The following CACNG1 variants were observed in gnomAD, a reference collection of about 807,000 sequenced individuals.
The protein encoded by CACNG1 is voltage-dependent calcium channel gamma-1 subunit.
Under a neutral mutation model 22.0 loss-of-function variants are expected in CACNG1, and 21 were observed. The ratio of observed to expected loss-of-function variants is 0.95; its 90% CI spans 0.68 to 1.37. The LOEUF is 1.37. CACNG1 is among the 40% of genes most tolerant of loss of function. The pLI is 0.00. For synonymous variants in CACNG1, 127 were observed against 129.2 expected (o/e 0.98, Z 0.12); for missense variants, 291 against 308.6 (o/e 0.94, Z 0.43).
Position 67,055,090 on chromosome 17 carries a change from C to T in CACNG1, c.305-13C>T, listed in dbSNP as rs773605479. On this transcript the variant is annotated splice_polypyrimidine_tract_variant and intron_variant, in intron 2 of 3. Transcript: ENST00000226021. This position sits in a 1 kb window ranked among gnomAD's most constrained non-coding sequence, Gnocchi z 4.5. ...TGCTGAGGCCGCATGCTGGGTGTCC[C>T]TTGTGTTTGCAGAGTACAGCATCTC... 2 of 1,611,072 alleles carry T rather than the reference C, an allele frequency of 1.2e-6. No individual in the cohort carries two copies. Among genetic ancestry groups the T allele is most frequent in the Non-Finnish European group, 1.7e-6 (2 of 1,177,876 alleles).
At chr17:67,051,559 C>T (rs556905690) in intron 1 of CACNG1, among the ~76,000 whole-genome samples, 1 of 152,300 alleles carries the variant, frequency 6.6e-6, no homozygotes, top group South Asian at 2.1e-4. Flanking sequence ...GAAGCTGAGG[C>T]TTCCTGTTAC....
chr17:67,044,933 C>G lies in CACNG1; in HGVS notation c.229+44C>G. On this transcript the variant is annotated intron_variant, in intron 1 of 3. Transcript: ENST00000226021. The surrounding 1 kb of genome is among the most constrained non-coding windows in gnomAD (Gnocchi z 6.9). ...GTCCCGATCCCCACCTCCTGCTCTT[C>G]CCCGTCATCCCCCTGGCAAAGTTGC... 3 of 1,486,226 alleles carry G rather than the reference C, an allele frequency of 2.0e-6. No homozygotes were observed. Among genetic ancestry groups the G allele is most frequent in the Non-Finnish European group, 2.8e-6 (3 of 1,081,592 alleles). 92.1% of individuals were successfully genotyped at this position (1,486,226 alleles called of 1,614,324 possible).
intron 1 of CACNG1, among the ~76,000 whole-genome samples, chr17:67,047,213 G>T (rs1764839001): frequency 6.6e-6 from 1 of 151,612 alleles, no homozygotes; most frequent in African/African-American, 2.4e-5. Flanking sequence ...AAAGACATCA[G>T]GAAAAAAAAT....
chr17:67,051,342 C>G (rs2035726989), intron 1 of CACNG1, among the ~76,000 whole-genome samples: 1 of 152,132 alleles, frequency 6.6e-6, no homozygotes, highest in Non-Finnish European at 1.5e-5. Flanking sequence ...TAAATGAGGC[C>G]TGGGTCTGAC....
Position 67,054,003 on chromosome 17 carries a change from C to G in CACNG1, c.237C>G (p.Asn79Lys). The G allele has an allele frequency of 6.2e-7, 1 of 1,613,882 alleles. No homozygotes were observed. Among genetic ancestry groups the G allele is most frequent in the South Asian group, 1.1e-5 (1 of 91,076 alleles). Reference protein sequence around the residue: ...CGPITLPGEKNCSYFRHFNPG... With the variant: ...CGPITLPGEKKCSYFRHFNPG... Reference sequence around the variant, plus strand: ...CTGTCTCCTCCTTTGCAGAGAAGAACTGTTCCTACTTCAGGCATTTTAACC... The same window carrying G: ...CTGTCTCCTCCTTTGCAGAGAAGAAGTGTTCCTACTTCAGGCATTTTAACC... The change falls in exon 2 of 4, where the codon AAC becomes AAG. Residue 79 changes from asparagine (N) to lysine (K), a missense_variant. By Grantham distance (94) the Asn-to-Lys change is moderately conservative. Transcript: ENST00000226021. This position sits in a 1 kb window ranked among gnomAD's most constrained non-coding sequence, Gnocchi z 4.6.
chr17:67,049,233 T>C (rs1299809291), intron 1 of CACNG1, among the ~76,000 whole-genome samples: 1 of 152,132 alleles, frequency 6.6e-6, no homozygotes, highest in Admixed American at 6.5e-5. Context: ...TCCCCAAATC[T>C]ATGGAGGCCA....
Position 67,054,696 on chromosome 17 carries a change from G to A in CACNG1, c.305-407G>A, listed in dbSNP as rs62072231. Among the ~76,000 whole-genome samples the A allele has an allele frequency of 0.52, 77,919 of 149,258 alleles. 21,775 individuals carry two copies. Among genetic ancestry groups the A allele is most frequent in the East Asian group, 0.86 (4,372 of 5,060 alleles). ...GACGCACAGAGACACTGACACACAC[G>A]CATGATGACACACAAAATGACACAC... is the stretch of plus-strand genomic sequence containing the variant. On this transcript the variant is annotated intron_variant, in intron 2 of 3. Transcript: ENST00000226021. The surrounding 1 kb of genome is among the most constrained non-coding windows in gnomAD (Gnocchi z 4.6).
Position 67,055,543 on chromosome 17 carries a change from T to C in CACNG1, c.442+303T>C, listed in dbSNP as rs1314546429. Among the ~76,000 whole-genome samples the C allele has an allele frequency of 6.6e-6, 1 of 152,160 alleles. No individual in the cohort carries two copies. Among genetic ancestry groups the C allele is most frequent in the East Asian group, 1.9e-4 (1 of 5,190 alleles). On this transcript the variant is annotated intron_variant, in intron 3 of 3. Transcript: ENST00000226021. The surrounding 1 kb of genome is among the most constrained non-coding windows in gnomAD (Gnocchi z 4.5). ...ACCTTTCTTTCTTTTTCTTGGGGGATGAGGAAGAGGGTCTCGCTCTGTCAT... is the reference window on the plus strand; with the variant it reads ...ACCTTTCTTTCTTTTTCTTGGGGGACGAGGAAGAGGGTCTCGCTCTGTCAT...
chr17:67,055,956 C>A lies in CACNG1; in HGVS notation c.443-89C>A, dbSNP rs1183221372. 1.3e-5 allele frequency: 14 copies of A among 1,072,050 alleles called. No homozygotes were observed. The highest frequency in any genetic ancestry group is 2.8e-6 in the Non-Finnish European group (2 of 721,822). The allele number at this position is 1,072,050 out of a possible 1,614,324, so 66.4% of individuals were successfully genotyped here. A position where few individuals can be genotyped will look rare whatever the true frequency, so the allele number is the denominator to read the frequency against. On this transcript the variant is annotated intron_variant, in intron 3 of 3. Coordinates refer to ENST00000226021, the MANE Select transcript of CACNG1 (RefSeq NM_000727.4). The surrounding 1 kb of genome is among the most constrained non-coding windows in gnomAD (Gnocchi z 4.5). ...CAGCTTTTCCCCCAAGGCAAGGTCACCGCCTCCTCCATGCACACAGGCTGG... is the reference window on the plus strand; with the variant it reads ...CAGCTTTTCCCCCAAGGCAAGGTCAACGCCTCCTCCATGCACACAGGCTGG...
At chr17:67,045,759 G>A (rs772990792) in intron 1 of CACNG1, among the ~76,000 whole-genome samples, 5 of 151,950 alleles carry the variant, frequency 3.3e-5, no homozygotes, top group Admixed American at 6.6e-5. Flanking sequence ...CTGACCTCAG[G>A]TGATCCACCT....
At chr17:67,051,479 A>T (rs141679622) in intron 1 of CACNG1, among the ~76,000 whole-genome samples, 1 of 152,202 alleles carries the variant, frequency 6.6e-6, no homozygotes, top group Non-Finnish European at 1.5e-5. Flanking sequence ...TCTTTTTCAC[A>T]TGCTAAGCCC....
Position 67,044,859 on chromosome 17 carries a change from A to G in CACNG1, c.199A>G (p.Lys67Glu), listed in dbSNP as rs534086247. The change falls in exon 1 of 4, where the codon AAG becomes GAG. Residue 67 changes from lysine (K) to glutamate (E), a missense_variant. Transcript: ENST00000226021. This position sits in a 1 kb window ranked among gnomAD's most constrained non-coding sequence, Gnocchi z 6.9. ...CTKRIPMDDS[K>E]TCGPITLPGE... is the part of the protein sequence containing the mutation. ...CAAGCGCATCCCCATGGACGACAGC[A>G]AGACCTGCGGGCCCATCACCCTGCC... is the stretch of plus-strand genomic sequence containing the variant. The G allele has an allele frequency of 6.2e-7, 1 of 1,613,278 alleles. No individual in the cohort carries two copies. Among genetic ancestry groups the G allele is most frequent in the Admixed American group, 1.7e-5 (1 of 60,014 alleles).
intron 1 of CACNG1, among the ~76,000 whole-genome samples, chr17:67,048,448 T>C (rs952417880): frequency 2.6e-5 from 4 of 152,052 alleles, no homozygotes; most frequent in African/African-American, 4.8e-5. Flanking sequence ...TGAACTATGA[T>C]CATGCCACTG....
In CACNG1 at chr17:67,055,210, C is replaced by T. The variant is rs766121837; in HGVS notation, c.412C>T (p.Arg138Ter). Residue 138 changes from arginine (R) to a stop codon, truncating the protein, a stop_gained, in exon 3 of 4, where the codon CGA (arginine) becomes TGA (stop). Transcript: ENST00000226021. LOFTEE classifies it high-confidence loss of function. This position sits in a 1 kb window ranked among gnomAD's most constrained non-coding sequence, Gnocchi z 4.5. Reference protein sequence around the residue: ...SLGKKRDYLLRPASMFYAFAG... With the variant: ...SLGKKRDYLL ...CGGGAAGAAGAGGGACTATCTGCTG[C>T]GACCCGCGTCCATGTTCTATGCCTT... The T allele has an allele frequency of 1.1e-5, 17 of 1,614,080 alleles. No individual in the cohort carries two copies. Among genetic ancestry groups the T allele is most frequent in the South Asian group, 5.5e-5 (5 of 91,074 alleles).
chr17:67,049,498 G>T (rs1272592237), intron 1 of CACNG1, among the ~76,000 whole-genome samples: 1 of 152,132 alleles, frequency 6.6e-6, no homozygotes, highest in Non-Finnish European at 1.5e-5. Context: ...TTCTACAGGT[G>T]GTTCTTATTC....
At chr17:67,053,899 C>G (rs1022665761) in intron 1 of CACNG1, 97 bp from the exon 2 acceptor site, 1 of 850,754 alleles carries the variant, frequency 1.2e-6, no homozygotes, top group African/African-American at 1.7e-5. Context: ...CCAGAGCCCC[C>G]TGCATGCCGA....
In CACNG1 at chr17:67,055,252, G is replaced by A. The variant is rs111459753; in HGVS notation, c.442+12G>A. 2.7e-5 allele frequency: 43 copies of A among 1,608,326 alleles called. No homozygotes were observed. The highest frequency in any genetic ancestry group is 2.1e-4 in the African/African-American group (16 of 74,954). The stretch of plus-strand genomic sequence containing the variant: ...CTATGCCTTTGCAGGTAGACTGGGG[G>A]ATCTGCCTGAGCGCCGGGGCCGGGG... On this transcript the variant is annotated intron_variant, in intron 3 of 3. Transcript: ENST00000226021. This position sits in a 1 kb window ranked among gnomAD's most constrained non-coding sequence, Gnocchi z 4.5.
chr17:67,056,494 G>T lies in CACNG1; in HGVS notation c.*223G>T, dbSNP rs1407143078. 2 of 575,402 alleles carry T rather than the reference G, an allele frequency of 3.5e-6. No individual in the cohort carries two copies. The highest frequency in any genetic ancestry group is 3.7e-5 in the African/African-American group (2 of 53,350). 35.6% of individuals were successfully genotyped at this position (575,402 alleles called of 1,614,324 possible). A position where few individuals can be genotyped will look rare whatever the true frequency, so the allele number is the denominator to read the frequency against. On this transcript the variant is annotated 3_prime_UTR_variant, in exon 4 of 4. Transcript: ENST00000226021. This position sits in a 1 kb window ranked among gnomAD's most constrained non-coding sequence, Gnocchi z 4.3. Reference sequence around the variant, plus strand: ...GAGTCCTAACCTGGCCACAGTTGGGGGAGGCAGAGCCAGCAGGTGGACAGG... The same window carrying T: ...GAGTCCTAACCTGGCCACAGTTGGGTGAGGCAGAGCCAGCAGGTGGACAGG...
Position 67,055,694 on chromosome 17 carries a change from T to C in CACNG1, c.443-351T>C, listed in dbSNP as rs2035757296. Reference sequence around the variant, plus strand: ...GACGTGCACCACCACACCTGGCTAATTTTTCATTGTATTTTAATTTTTTGT... The same window carrying C: ...GACGTGCACCACCACACCTGGCTAACTTTTCATTGTATTTTAATTTTTTGT... On this transcript the variant is annotated intron_variant, in intron 3 of 3. Transcript: ENST00000226021. The surrounding 1 kb of genome is among the most constrained non-coding windows in gnomAD (Gnocchi z 4.5). 1.3e-5 allele frequency among the ~76,000 whole-genome samples: 2 copies of C among 151,816 alleles called. No individual in the cohort carries two copies. Among genetic ancestry groups the C allele is most frequent in the South Asian group, 4.2e-4 (2 of 4,800 alleles).
Sources: gnomAD v4.1 joint callset for allele counts (sites outside exome capture counted in the v4.1 genomes callset) on GRCh38, gnomAD v4.1.1 for gene constraint, Gnocchi (gnomAD v3.1) non-coding constraint, MANE v1.5 for transcripts, NCBI Gene and HGNC (gene_info 2026-07-23, HGNC 2026-07-21) for gene names.